Variants in SNX30 observed in about 807,000 individuals in gnomAD.
SNX30 encodes the protein sorting nexin-30.
In SNX30, 24 loss-of-function variants were observed where a neutral mutation model predicts 46.4. The observed-to-expected ratio is 0.52, with a 90% CI of 0.37 to 0.73. The LOEUF (loss-of-function observed/expected upper bound fraction) is 0.73. SNX30 is among the 30% of genes least tolerant of loss of function. The pLI is 0.00. For synonymous variants in SNX30, 189 were observed against 211.5 expected (o/e 0.89, Z 0.92); for missense variants, 533 against 555.7 (o/e 0.96, Z 0.41).
intron 2 of SNX30, among the ~76,000 whole-genome samples, chr9:112,811,940 T>C (rs896367721): frequency 6.6e-6 from 1 of 152,236 alleles, no homozygotes; most frequent in African/African-American, 2.4e-5. Flanking sequence ...ACTACAAACT[T>C]ATCTTTGGAG....
rs1841460462 is a variant in SNX30 at position 112,872,376 on chromosome 9, C to G, written c.*3533C>G. ...CCTGCCATCGTTAGCTTTGAAATCACAGGCATTGGGCTCTGTTTTGACACC... is the reference window on the plus strand; with the variant it reads ...CCTGCCATCGTTAGCTTTGAAATCAGAGGCATTGGGCTCTGTTTTGACACC... On this transcript the variant is annotated 3_prime_UTR_variant, in exon 9 of 9. Coordinates refer to ENST00000374232, the MANE Select transcript of SNX30 (RefSeq NM_001012994.2). 1 of 152,242 alleles carries G rather than the reference C, an allele frequency of 6.6e-6. No homozygotes were observed. The highest frequency in any genetic ancestry group is 1.5e-5 in the Non-Finnish European group (1 of 68,058). 9.4% of individuals were successfully genotyped at this position (152,242 alleles called of 1,614,324 possible).
downstream of SNX30, among the ~76,000 whole-genome samples, chr9:112,876,332 A>C (rs997091841): frequency 6.6e-6 from 1 of 151,508 alleles, no homozygotes; most frequent in Non-Finnish European, 1.5e-5. Context: ...CAGAATATGG[A>C]GGCTGGGCGT....
At chr9:112,839,151 A>T (rs7038684) in intron 6 of SNX30, among the ~76,000 whole-genome samples, 1 of 152,160 alleles carries the variant, frequency 6.6e-6, no homozygotes, top group Non-Finnish European at 1.5e-5. Context: ...AGACATAGGG[A>T]ATTAATCCCA....
intron 7 of SNX30, among the ~76,000 whole-genome samples, chr9:112,856,082 A>C (rs1028349748): frequency 1.3e-5 from 2 of 152,106 alleles, no homozygotes; most frequent in African/African-American, 2.4e-5. Flanking sequence ...ACTTGGTATA[A>C]CTAGCTCCAA....
chr9:112,782,681 A>G (rs954656356), intron 1 of SNX30, among the ~76,000 whole-genome samples: 3 of 149,404 alleles, frequency 2.0e-5, no homozygotes, highest in Admixed American at 1.3e-4. Context: ...AGTTATCATT[A>G]TTAAAACTCA....
intron 1 of SNX30, among the ~76,000 whole-genome samples, chr9:112,779,423 A>G (rs787296): frequency 0.94 from 142,670 of 152,240 alleles, 66,931 homozygotes; most frequent in East Asian, 1. Context: ...TGGACCAGGC[A>G]TGGTGGCGCA....
At chr9:112,804,150 T>G (rs1381371961) in intron 1 of SNX30, among the ~76,000 whole-genome samples, 1 of 151,394 alleles carries the variant, frequency 6.6e-6, no homozygotes, top group Non-Finnish European at 1.5e-5. Flanking sequence ...TCGGCCATCT[T>G]GGCTCCTCCG....
chr9:112,781,750 G>A (rs1311274703), intron 1 of SNX30, among the ~76,000 whole-genome samples: 1 of 151,794 alleles, frequency 6.6e-6, no homozygotes, highest in African/African-American at 2.4e-5. Flanking sequence ...CCATGCCTCA[G>A]CCTCCTGAGT....
In SNX30 at chr9:112,868,955, C is replaced by A; in HGVS notation, c.*112C>A. ...GCTGGGAAAACAACCACAGAAACAT[C>A]TCTCCTTTGTGTATTTTTCCCTCCC... On this transcript the variant is annotated 3_prime_UTR_variant, in exon 9 of 9. Transcript: ENST00000374232. The A allele has an allele frequency of 9.5e-7, 1 of 1,050,416 alleles. No homozygotes were observed. The highest frequency in any genetic ancestry group is 2.4e-5 in the East Asian group (1 of 42,242). The allele number at this position is 1,050,416 out of a possible 1,614,324, so 65.1% of individuals were successfully genotyped here.
At chr9:112,834,048 G>A (rs892174560) in intron 4 of SNX30, among the ~76,000 whole-genome samples, 4 of 152,032 alleles carry the variant, frequency 2.6e-5, no homozygotes, top group Admixed American at 1.3e-4. Flanking sequence ...CCCTCGGTTG[G>A]GGGAAGGTAT....
chr9:112,832,333 G>A (rs1235425771), intron 4 of SNX30, among the ~76,000 whole-genome samples: 2 of 151,790 alleles, frequency 1.3e-5, no homozygotes, highest in Non-Finnish European at 2.9e-5. Flanking sequence ...TTTCCAGAAA[G>A]CCCTTAAGCA....
At chr9:112,819,147 G>A (rs144651978) in intron 3 of SNX30, among the ~76,000 whole-genome samples, 105 of 152,030 alleles carry the variant, frequency 6.9e-4, no homozygotes, top group South Asian at 3.3e-3. Flanking sequence ...CCTCACATCC[G>A]GTATTAACAT....
intron 6 of SNX30, among the ~76,000 whole-genome samples, chr9:112,850,183 G>A (rs1841000641): frequency 6.6e-6 from 1 of 152,198 alleles, no homozygotes; most frequent in South Asian, 2.1e-4. Flanking sequence ...TGGCTCTCTT[G>A]GGGCCCATTG....
At chr9:112,827,606 AAGTGG>A (rs1267102062) in intron 3 of SNX30, among the ~76,000 whole-genome samples, 4 of 152,198 alleles carry the variant, frequency 2.6e-5, no homozygotes, top group African/African-American at 9.6e-5. Flanking sequence ...GGCCTACTCC[AAGTGG>A]CCTAGTATTC....
At chr9:112,751,405 G>A (rs1383003862) in intron 1 of SNX30, among the ~76,000 whole-genome samples, 2 of 152,212 alleles carry the variant, frequency 1.3e-5, no homozygotes, top group African/African-American at 4.8e-5. Context: ...TGGTGGGGAG[G>A]GGTCCAGCCT....
chr9:112,751,091 G>T lies in SNX30; in HGVS notation c.90G>T (p.Glu30Asp), dbSNP rs1220311806. 2 of 1,515,740 alleles carry T rather than the reference G, an allele frequency of 1.3e-6. No individual in the cohort carries two copies. Among genetic ancestry groups the T allele is most frequent in the Non-Finnish European group, 8.8e-7 (1 of 1,139,454 alleles). The allele number at this position is 1,515,740 out of a possible 1,614,324, so 93.9% of individuals were successfully genotyped here. ...MPHPLAGSSS[E>D]EAVGGDSTPS... is the part of the protein sequence containing the mutation. Reference sequence around the variant, plus strand: ...ACCCGCTGGCCGGCTCCAGCAGCGAGGAGGCCGTGGGTGGTGACAGCACGC... The same window carrying T: ...ACCCGCTGGCCGGCTCCAGCAGCGATGAGGCCGTGGGTGGTGACAGCACGC... The change falls in exon 1 of 9, where the codon GAG (glutamate) becomes GAT (aspartate). Residue 30 changes from glutamate to aspartate, a missense_variant. By Grantham distance (45) the Glu-to-Asp change is conservative (BLOSUM62 2). Coordinates refer to ENST00000374232, the MANE Select transcript of SNX30 (RefSeq NM_001012994.2).
intron 7 of SNX30, among the ~76,000 whole-genome samples, chr9:112,852,002 A>C (rs1841035436): frequency 6.6e-6 from 1 of 152,226 alleles, no homozygotes; most frequent in Non-Finnish European, 1.5e-5. Flanking sequence ...AAATATACAC[A>C]AATAAATCAT....
intron 4 of SNX30, 22 bp from the exon 5 acceptor site, chr9:112,836,192 C>G: frequency 1.9e-6 from 3 of 1,575,086 alleles, no homozygotes; most frequent in Non-Finnish European, 2.6e-6. Context: ...GTGCTTTGAG[C>G]TTATTCACAT....
intron 4 of SNX30, among the ~76,000 whole-genome samples, chr9:112,835,445 A>G (rs1336103116): frequency 6.6e-6 from 1 of 151,376 alleles, no homozygotes; most frequent in Non-Finnish European, 1.5e-5. Flanking sequence ...AGCTGGGACT[A>G]CAGGTGCATG....
Sources: gnomAD v4.1 joint callset for allele counts (sites outside exome capture counted in the v4.1 genomes callset) on GRCh38, gnomAD v4.1.1 for gene constraint, MANE v1.5 for transcripts, NCBI Gene and HGNC (gene_info 2026-07-23, HGNC 2026-07-21) for gene names.